PLBD1: variants seen among roughly 807,000 people sequenced by gnomAD.
PLBD1 encodes the protein lysosomal leucine aminopeptidase.
In PLBD1, 60 loss-of-function variants were observed where a neutral mutation model predicts 63.0. The observed-to-expected ratio is 0.95, with a 90% CI of 0.77 to 1.18. The LOEUF (loss-of-function observed/expected upper bound fraction) is 1.18. Among genes scored for constraint, PLBD1 ranks in the 50% most tolerant of loss-of-function variants. The probability of loss-of-function intolerance (pLI) is 0.00; values close to 1 mark genes in which losing one functional copy is unlikely to be tolerated. For synonymous variants in PLBD1, 262 were observed against 248.0 expected, an observed-to-expected ratio of 1.06 and a Z score of -0.53; for missense variants, 598 against 677.9, an observed-to-expected ratio of 0.88 and a Z score of 1.31.
intron 2 of PLBD1, among the ~76,000 whole-genome samples, chr12:14,546,361 T>C (rs1243868703): frequency 2.7e-5 from 4 of 149,680 alleles, no homozygotes; most frequent in Non-Finnish European, 5.9e-5. Flanking sequence ...TATATGAAAA[T>C]AGTTTTATTT....
chr12:14,532,660 G>A (rs1040190835), intron 6 of PLBD1, among the ~76,000 whole-genome samples: 15 of 152,206 alleles, frequency 9.9e-5, no homozygotes, highest in South Asian at 2.1e-4. Context: ...GAACCCATGC[G>A]TGGGCAGGAA....
intron 1 of PLBD1, among the ~76,000 whole-genome samples, chr12:14,567,170 A>AT (rs1033284399): frequency 6.6e-6 from 1 of 152,202 alleles, no homozygotes; most frequent in Non-Finnish European, 1.5e-5. Flanking sequence ...TGCAATCGTG[A>AT]TTTTAAGCCA....
chr12:14,532,105 C>G (rs894720581), intron 6 of PLBD1, among the ~76,000 whole-genome samples: 1 of 152,166 alleles, frequency 6.6e-6, no homozygotes, highest in African/African-American at 2.4e-5. Context: ...CACTCCTCAC[C>G]CACGGGCACC....
chr12:14,521,646 G>A (rs1457968023), intron 6 of PLBD1, among the ~76,000 whole-genome samples: 1 of 151,952 alleles, frequency 6.6e-6, no homozygotes, highest in Non-Finnish European at 1.5e-5. Flanking sequence ...ACATCTGCAG[G>A]CAAAAATCTT....
chr12:14,546,216 G>C lies in PLBD1; in HGVS notation c.336-3925C>G, dbSNP rs1945614935. The stretch of plus-strand genomic sequence containing the variant: ...TGCCTGTAACCCCAGCACTTGGGTG[G>C]TTGAGGCACAAGAATTGCTTGAACC... On this transcript the variant is annotated intron_variant, in intron 2 of 10. Transcript: ENST00000240617. Among the ~76,000 whole-genome samples the C allele has an allele frequency of 3.3e-5, 5 of 151,840 alleles. No individual in the cohort carries two copies. The South Asian group carries it at 1.0e-3, about 31-fold the overall frequency.
At chr12:14,562,477 A>G (rs1030484299) in intron 1 of PLBD1, among the ~76,000 whole-genome samples, 8 of 150,996 alleles carry the variant, frequency 5.3e-5, no homozygotes, top group African/African-American at 1.9e-4. Flanking sequence ...AAAAAAAAAA[A>G]AAGACTGTAA....
chr12:14,530,754 G>A lies in PLBD1; in HGVS notation c.844+4905C>T, dbSNP rs566311052. 4.6e-5 allele frequency among the ~76,000 whole-genome samples: 7 copies of A among 152,292 alleles called. No homozygotes were observed. The South Asian group carries it at 6.2e-4, about 14-fold the overall frequency. ...TTGTATTGGCTGCCATTTCAGTGCC[G>A]TCATTTTCTAGTGATTTATCTCTTT... On this transcript the variant is annotated intron_variant, in intron 6 of 10. Transcript: ENST00000240617.
chr12:14,540,053 TACACAC>T, intron 4 of PLBD1, among the ~76,000 whole-genome samples: 1 of 87,350 alleles, frequency 1.1e-5, no homozygotes, highest in Non-Finnish European at 2.1e-5. Context: ...TATATATATA[TACACAC>T]ACACACTGGT....
At chr12:14,520,547 A>G (rs574690734) in intron 6 of PLBD1, among the ~76,000 whole-genome samples, 47 of 149,348 alleles carry the variant, frequency 3.1e-4, no homozygotes, top group Non-Finnish European at 6.3e-4. Context: ...TACAAAAAAA[A>G]AGGAACCAAA....
At chr12:14,523,114 A>G (rs1000634657) in intron 6 of PLBD1, among the ~76,000 whole-genome samples, 3 of 152,132 alleles carry the variant, frequency 2.0e-5, no homozygotes, top group Non-Finnish European at 2.9e-5. Flanking sequence ...AACCCTGAAA[A>G]CTTCACCAAA....
intron 8 of PLBD1, among the ~76,000 whole-genome samples, chr12:14,508,621 A>G (rs1945272660): frequency 6.6e-6 from 1 of 152,004 alleles, no homozygotes. Flanking sequence ...ATATAAAAAA[A>G]TAGCCAGGCA....
intron 6 of PLBD1, chr12:14,532,939 C>T (rs1292630782): frequency 1.3e-5 from 2 of 152,172 alleles, no homozygotes; most frequent in Non-Finnish European, 2.9e-5. Flanking sequence ...TGTGCCCAGA[C>T]CTAAGGGTGG....
intron 1 of PLBD1, among the ~76,000 whole-genome samples, chr12:14,566,265 G>A (rs1010301203): frequency 1.3e-5 from 2 of 152,166 alleles, no homozygotes; most frequent in African/African-American, 4.8e-5. Context: ...CGAGTCAGGA[G>A]CCTGTGGGTA....
At chr12:14,510,295 G>A (rs1945287113) in intron 8 of PLBD1, among the ~76,000 whole-genome samples, 1 of 152,192 alleles carries the variant, frequency 6.6e-6, no homozygotes, top group South Asian at 2.1e-4. Context: ...TCAGGAGGCT[G>A]AGACAGGAGA....
At chr12:14,565,424 C>T (rs1157165301) in intron 1 of PLBD1, among the ~76,000 whole-genome samples, 4 of 151,412 alleles carry the variant, frequency 2.6e-5, no homozygotes, top group African/African-American at 7.3e-5. Flanking sequence ...CGAGATCACG[C>T]CACTGTACCC....
At chr12:14,566,585 AATTTAATTTT>A (rs913511965) in intron 1 of PLBD1, among the ~76,000 whole-genome samples, 2 of 152,112 alleles carry the variant, frequency 1.3e-5, no homozygotes, top group Admixed American at 1.3e-4. Context: ...AATTTAATTT[AATTTAATTTT>A]GGCAAAGGAT....
At chr12:14,539,612 C>T (rs1945548956) in intron 4 of PLBD1, among the ~76,000 whole-genome samples, 1 of 151,540 alleles carries the variant, frequency 6.6e-6, no homozygotes, top group Admixed American at 6.6e-5. Flanking sequence ...ATGGTAAAAC[C>T]TCATCTCTAC....
At chr12:14,546,549 G>A (rs1017374807) in intron 2 of PLBD1, among the ~76,000 whole-genome samples, 5 of 152,086 alleles carry the variant, frequency 3.3e-5, no homozygotes, top group African/African-American at 1.2e-4. Context: ...GTTCTCAACT[G>A]GCATGATTTC....
intron 6 of PLBD1, chr12:14,530,903 C>T (rs1945454335): frequency 6.6e-6 from 1 of 152,210 alleles, no homozygotes. Flanking sequence ...ACCATGTATT[C>T]AAAACCCTTC....
Sources: allele counts gnomAD v4.1 joint callset (sites outside exome capture counted in the v4.1 genomes callset), GRCh38; gene constraint gnomAD v4.1.1; transcripts MANE v1.5; gene names NCBI Gene and HGNC (gene_info 2026-07-23, HGNC 2026-07-21).